TTLL10: variants seen among roughly 807,000 people sequenced by gnomAD.
TTLL10 encodes inactive polyglycylase TTLL10.
A neutral mutation model predicts 69.0 loss-of-function variants in TTLL10; 61 were observed. The observed-to-expected ratio is 0.88, with a 90% CI of 0.72 to 1.09. The LOEUF (loss-of-function observed/expected upper bound fraction) is 1.09. Among genes scored for constraint, TTLL10 ranks in the 50% least tolerant of loss-of-function variants. The pLI, the probability that TTLL10 is intolerant of heterozygous loss-of-function variation, is 0.00. For missense variants in TTLL10, 962 were observed against 945.9 expected (o/e 1.02, Z -0.22); for synonymous variants, 408 against 393.3 (o/e 1.04, Z -0.44).
intron 13 of TTLL10, among the ~76,000 whole-genome samples, chr1:1,190,700 G>T (rs187532747): frequency 8.4e-4 from 128 of 151,974 alleles, no homozygotes; most frequent in Admixed American, 5.6e-3. Context: ...TATGATTTCA[G>T]TTTTTTCTTC....
chr1:1,186,941 G>C (rs1033676758), intron 13 of TTLL10, among the ~76,000 whole-genome samples: 1 of 151,488 alleles, frequency 6.6e-6, no homozygotes, highest in African/African-American at 2.4e-5. Context: ...CCGCCTCCCG[G>C]GTTCACGCCA....
intron 13 of TTLL10, 71 bp from the exon 14 acceptor site, chr1:1,196,529 T>C: frequency 8.7e-7 from 1 of 1,148,360 alleles, no homozygotes; most frequent in Non-Finnish European, 1.3e-6. Flanking sequence ...GATGTGGCTG[T>C]GGCTGTTCAG....
chr1:1,179,911 G>C (rs12096267), intron 5 of TTLL10, 123 bp from the exon 6 acceptor site: 4 of 1,437,766 alleles, frequency 2.8e-6, no homozygotes, highest in Non-Finnish European at 3.6e-6. Context: ...TTGAGCCCCA[G>C]ACGGGCCAGG....
chr1:1,182,457 G>A lies in TTLL10; in HGVS notation c.916+11G>A. On this transcript the variant is annotated intron_variant, in intron 10 of 15. Transcript: ENST00000379289. ...TCACCTTGTTTGATGGTGAGACGCTGCTGGCCGGACACCAGGCTGGCCCTG... is the reference window on the plus strand; with the variant it reads ...TCACCTTGTTTGATGGTGAGACGCTACTGGCCGGACACCAGGCTGGCCCTG... The A allele has an allele frequency of 1.9e-6, 3 of 1,613,486 alleles. No homozygotes were observed. Among genetic ancestry groups the A allele is most frequent in the Non-Finnish European group, 2.5e-6 (3 of 1,179,596 alleles).
Position 1,184,693 on chromosome 1 carries a change from C to T in TTLL10, c.1261-276C>T, listed in dbSNP as rs572467158. Among the ~76,000 whole-genome samples the T allele has an allele frequency of 1.6e-3, 247 of 151,592 alleles. 2 individuals are homozygous for T. In the Middle Eastern group the frequency reaches 0.017, roughly 11 times the overall value. On this transcript the variant is annotated intron_variant, in intron 12 of 15. Transcript: ENST00000379289. ...AGGGGGATGTTCTCTTGGGGACCCC[C>T]GTGAGGACAGGCCCTCCGGACAGTC...
intron 13 of TTLL10, among the ~76,000 whole-genome samples, chr1:1,193,925 A>G (rs1344563765): frequency 2.0e-5 from 3 of 152,174 alleles, no homozygotes; most frequent in Non-Finnish European, 4.4e-5. Flanking sequence ...TGGGAGGCTG[A>G]GGCAAGAAGA....
chr1:1,195,028 A>G (rs1418182750), intron 13 of TTLL10, among the ~76,000 whole-genome samples: 3 of 151,940 alleles, frequency 2.0e-5, no homozygotes, highest in Non-Finnish European at 4.4e-5. Context: ...GGTTTCTGTC[A>G]CCCAAGATGG....
At position 1,180,346 on chromosome 1, in the gene TTLL10, T is replaced by C. The variant is rs375219554; in HGVS notation, c.506+6T>C. On this transcript the variant is annotated splice_donor_region_variant and intron_variant, in intron 6 of 15. Transcript: ENST00000379289. Reference sequence around the variant, plus strand: ...GGCAGCAACGGGGCCACAATGTGAGTAGCGGCCCTGGGCGCCCGTGGTCCC... The same window carrying C: ...GGCAGCAACGGGGCCACAATGTGAGCAGCGGCCCTGGGCGCCCGTGGTCCC... 1.1e-3 allele frequency: 1,708 copies of C among 1,559,570 alleles called. 1 individual carries two copies. The highest frequency in any genetic ancestry group is 1.4e-3 in the Non-Finnish European group (1,629 of 1,152,310).
chr1:1,190,620 G>C (rs1647700368), intron 13 of TTLL10, among the ~76,000 whole-genome samples: 1 of 151,438 alleles, frequency 6.6e-6, no homozygotes, highest in African/African-American at 2.4e-5. Context: ...AATGGAGATG[G>C]GGTTTCACCA....
chr1:1,175,974 G>A (rs889636482), intron 3 of TTLL10: 4 of 437,924 alleles, frequency 9.1e-6, no homozygotes, highest in Admixed American at 2.5e-5. Flanking sequence ...AGAGGCTGAC[G>A]CTGTGCAGGT....
rs57556493 is a variant in TTLL10 at position 1,180,035 on chromosome 1, C to T, written c.201C>T (p.Gly67=). The T allele has an allele frequency of 6.3e-3, 9,700 of 1,535,908 alleles. 344 individuals are homozygous for T. The African/African-American group carries it at 0.09, about 14-fold the overall frequency. The change falls in exon 6 of 16, where the codon GGC becomes GGT. Residue 67 remains glycine, a splice_region_variant and synonymous_variant. Transcript: ENST00000379289. ...GGTGGGACCCCACCCCGTTCACAGGCCCGGCCCACGAGAGGCCAATGGGGA... is the reference window on the plus strand; with the variant it reads ...GGTGGGACCCCACCCCGTTCACAGGTCCGGCCCACGAGAGGCCAATGGGGA... ...PCPAPGHCPV[G]PAHERPMGSS... is the part of the protein sequence containing the mutation.
intron 3 of TTLL10, chr1:1,175,499 G>A (rs758799517): frequency 5.7e-5 from 21 of 367,572 alleles, no homozygotes; most frequent in Middle Eastern, 4.4e-4. Context: ...AGAGCTGCCC[G>A]GCCTCCCCGG....
intron 9 of TTLL10, 87 bp from the exon 10 acceptor site, chr1:1,182,274 C>T (rs962033781): frequency 1.1e-5 from 13 of 1,218,232 alleles, no homozygotes; most frequent in South Asian, 3.6e-5. Flanking sequence ...CACTCCCTCC[C>T]GCCGGGCCAC....
chr1:1,184,892 G>A (rs1647207822), intron 12 of TTLL10, 77 bp from the exon 13 acceptor site: 3 of 525,708 alleles, frequency 5.7e-6, no homozygotes, highest in Admixed American at 3.7e-5. Flanking sequence ...TTAGGGGGAT[G>A]TTCTCTTGGG....
At chr1:1,196,164 TGAG>T (rs1648195117) in intron 13 of TTLL10, among the ~76,000 whole-genome samples, 1 of 152,206 alleles carries the variant, frequency 6.6e-6, no homozygotes. Flanking sequence ...TTTTTATAAA[TGAG>T]GTCTATTTTG....
intron 3 of TTLL10, chr1:1,175,137 C>T (rs1167564709): frequency 3.2e-5 from 5 of 157,566 alleles, no homozygotes; most frequent in Admixed American, 5.9e-5. Context: ...AAAAAAAACA[C>T]CTTTAATTTC....
chr1:1,191,392 G>GTC (rs1419896995), intron 13 of TTLL10, among the ~76,000 whole-genome samples: 2 of 152,106 alleles, frequency 1.3e-5, no homozygotes, highest in Non-Finnish European at 2.9e-5. Context: ...AGGAGTTTGA[G>GTC]TCCAGCCTGG....
At position 1,180,329 on chromosome 1, in the gene TTLL10, C is replaced by A; in HGVS notation, c.495C>A (p.Asn165Lys). The A allele has an allele frequency of 6.4e-7, 1 of 1,574,010 alleles. No homozygotes were observed. The stretch of plus-strand genomic sequence containing the variant: ...CCTTCTTCTACATTGGAGGCAGCAA[C>A]GGGGCCACAATGTGAGTAGCGGCCC... The part of the protein sequence containing the change: ...PGPFFYIGGS[N>K]GATIISSYCK... Residue 165 changes from asparagine to lysine, a missense_variant, in exon 6 of 16, where the codon AAC becomes AAA. Coordinates refer to ENST00000379289, the MANE Select transcript of TTLL10 (RefSeq NM_001130045.2).
At chr1:1,196,485 A>G in intron 13 of TTLL10, 115 bp from the exon 14 acceptor site, 1 of 745,096 alleles carries the variant, frequency 1.3e-6, no homozygotes, top group Non-Finnish European at 2.3e-6. Context: ...GTGTGGCTGT[A>G]CAGGTGCGGG....
Sources: allele counts gnomAD v4.1 joint callset (sites outside exome capture counted in the v4.1 genomes callset), GRCh38; gene constraint gnomAD v4.1.1; transcripts MANE v1.5; gene names NCBI Gene and HGNC (gene_info 2026-07-23, HGNC 2026-07-21).